Variants in MTMR3 observed in about 807,000 individuals in gnomAD.
MTMR3 encodes phosphatidylinositol-3,5-bisphosphate 3-phosphatase MTMR3.
Under a neutral mutation model 132.4 loss-of-function variants are expected in MTMR3, and 32 were observed. The ratio of observed to expected loss-of-function variants is 0.24; its 90% CI spans 0.18 to 0.32. The LOEUF (loss-of-function observed/expected upper bound fraction) is 0.32, where lower values mean the gene tolerates loss of function less well. Among genes scored for constraint, MTMR3 ranks in the 10% least tolerant of loss-of-function variants. The pLI is 1.00. For synonymous variants in MTMR3, 556 were observed against 550.3 expected (o/e 1.01, Z -0.14); for missense variants, 1,216 against 1,489.6 (o/e 0.82, Z 3.02).
At position 30,023,332 on chromosome 22, in the gene MTMR3, T is replaced by G; in HGVS notation, c.3425+635T>G. On this transcript the variant is annotated intron_variant, in intron 19 of 19. Transcript: ENST00000401950. ...AGCTCACCCACACGAGTGGGTGGAT[T>G]GAAAATGGAACAGTCTCTTTGCCTA... The G allele has an allele frequency of 9.4e-6, 9 of 954,330 alleles. No individual in the cohort carries two copies. In the Middle Eastern group the frequency reaches 1.7e-3, roughly 181 times the overall value. The allele number at this position is 954,330 out of a possible 1,614,324, so 59.1% of individuals were successfully genotyped here. A position where few individuals can be genotyped will look rare whatever the true frequency, so the allele number is the denominator to read the frequency against.
intron 1 of MTMR3, among the ~76,000 whole-genome samples, chr22:29,934,630 T>C (rs2065712730): frequency 6.6e-6 from 1 of 152,154 alleles, no homozygotes; most frequent in African/African-American, 2.4e-5. Context: ...AAGATTCTAT[T>C]TTAGGGGAAA....
intron 1 of MTMR3, among the ~76,000 whole-genome samples, chr22:29,897,911 A>G (rs756853363): frequency 9.9e-5 from 15 of 152,126 alleles, no homozygotes; most frequent in Non-Finnish European, 2.1e-4. Context: ...TTGGGTTTCA[A>G]ATTTATGTGA....
chr22:29,884,240 T>A (rs953240568), intron 1 of MTMR3, among the ~76,000 whole-genome samples: 2 of 151,486 alleles, frequency 1.3e-5, no homozygotes, highest in African/African-American at 4.8e-5. Flanking sequence ...TTCTGACATC[T>A]ATTTTTCCAC....
chr22:29,897,748 C>CTCA (rs1228355405), intron 1 of MTMR3, among the ~76,000 whole-genome samples: 1 of 152,154 alleles, frequency 6.6e-6, no homozygotes, highest in Non-Finnish European at 1.5e-5. Context: ...CTGTGCCTGG[C>CTCA]CTGTATTTGC....
At chr22:29,924,841 C>CT (rs971591078) in intron 1 of MTMR3, among the ~76,000 whole-genome samples, 2 of 151,652 alleles carry the variant, frequency 1.3e-5, no homozygotes, top group Admixed American at 1.3e-4. Context: ...TTGTTAATTT[C>CT]TTTTTTTGGC....
At chr22:29,958,633 C>G (rs2066247062) in intron 2 of MTMR3, among the ~76,000 whole-genome samples, 2 of 152,000 alleles carry the variant, frequency 1.3e-5, no homozygotes, top group Admixed American at 1.3e-4. Flanking sequence ...GAAAGTCTTC[C>G]TTAAGTGCCC....
At chr22:29,966,996 A>G (rs6006315) in intron 2 of MTMR3, among the ~76,000 whole-genome samples, 2,394 of 151,570 alleles carry the variant, frequency 0.016, 54 homozygotes, top group African/African-American at 0.053. Context: ...CAAATTGTAC[A>G]TTTTCTTTTC....
At chr22:29,966,631 G>A (rs996434612) in intron 2 of MTMR3, among the ~76,000 whole-genome samples, 5 of 151,950 alleles carry the variant, frequency 3.3e-5, no homozygotes, top group African/African-American at 7.3e-5. Context: ...TAAGAAAGGC[G>A]GGATAGATAC....
chr22:29,954,059 C>CTTTTTTTTTTTTTTTTTTTTT (rs59781649), intron 1 of MTMR3, among the ~76,000 whole-genome samples: 8 of 79,436 alleles, frequency 1.0e-4, no homozygotes, highest in African/African-American at 3.7e-4. Flanking sequence ...TCAAATGAGT[C>CTTTTTTTTTTTTTTTTTTTTT]TTTTTTTTTT....
At chr22:29,896,640 C>CT (rs2064901870) in intron 1 of MTMR3, among the ~76,000 whole-genome samples, 1 of 151,878 alleles carries the variant, frequency 6.6e-6, no homozygotes, top group South Asian at 2.1e-4. Flanking sequence ...TGCTTTTTGT[C>CT]TAACATAATT....
chr22:30,019,160 G>A (rs2067680083), intron 16 of MTMR3: 2 of 202,972 alleles, frequency 9.9e-6, no homozygotes, highest in Admixed American at 5.3e-5. Flanking sequence ...GCTGAGATCC[G>A]CCACTGCACT....
In MTMR3 at chr22:30,030,402, T is replaced by C. The variant is rs938360111; in HGVS notation, c.*4601T>C. 22 of 151,908 alleles carry C rather than the reference T, an allele frequency of 1.4e-4. No individual in the cohort carries two copies. Among genetic ancestry groups the C allele is most frequent in the Admixed American group, 6.6e-4 (10 of 15,214 alleles). 9.4% of individuals were successfully genotyped at this position (151,908 alleles called of 1,614,324 possible). A position where few individuals can be genotyped will look rare whatever the true frequency, so the allele number is the denominator to read the frequency against. On this transcript the variant is annotated 3_prime_UTR_variant, in exon 20 of 20. Transcript: ENST00000401950. The stretch of plus-strand genomic sequence containing the variant: ...GCTCAGATGCTGTTGAAGAAATAAA[T>C]GGTATGTTGCTGCTGACAGTAGTGC...
intron 1 of MTMR3, among the ~76,000 whole-genome samples, chr22:29,896,135 C>T (rs2064890852): frequency 6.6e-6 from 1 of 152,096 alleles, no homozygotes; most frequent in South Asian, 2.1e-4. Context: ...CGTGGTGAAA[C>T]CCCATGTCTA....
At position 30,020,256 on chromosome 22, in the gene MTMR3, C is replaced by G. The variant is rs983070381; in HGVS notation, c.2597C>G (p.Ser866Cys). The G allele has an allele frequency of 6.2e-7, 1 of 1,614,240 alleles. No homozygotes were observed. The highest frequency in any genetic ancestry group is 8.5e-7 in the Non-Finnish European group (1 of 1,180,042). The change falls in exon 17 of 20, where the codon TCT becomes TGT. Residue 866 changes from serine to cysteine, a missense_variant. Coordinates refer to ENST00000401950, the MANE Select transcript of MTMR3 (RefSeq NM_021090.4). ...AGTGGGCCCCAAGGTCATCATAGAT[C>G]TTGCCTTGTAAATAGTGGCAAGGAC... ...SVSGPQGHHR[S>C]CLVNSGKDRL... is the part of the protein sequence containing the mutation.
intron 1 of MTMR3, among the ~76,000 whole-genome samples, 182 bp downstream of exon 1, chr22:29,883,541 G>T (rs945455063): frequency 3.9e-5 from 6 of 152,134 alleles, no homozygotes; most frequent in Non-Finnish European, 8.8e-5. Context: ...TCGCCGCCAG[G>T]GGGAGGCGCT....
intron 5 of MTMR3, chr22:29,987,968 A>G (rs978540140): frequency 6.6e-6 from 1 of 152,422 alleles, no homozygotes; most frequent in African/African-American, 2.4e-5. Flanking sequence ...ATCCACAGTC[A>G]GCTTAGAACT....
chr22:29,897,684 A>G (rs2064929352), intron 1 of MTMR3, among the ~76,000 whole-genome samples: 1 of 151,986 alleles, frequency 6.6e-6, no homozygotes, highest in Non-Finnish European at 1.5e-5. Flanking sequence ...AACTGGCCTC[A>G]AGTGATCTGC....
chr22:30,023,244 G>A (rs1461902544), intron 19 of MTMR3: 2 of 596,966 alleles, frequency 3.4e-6, no homozygotes. Context: ...CCCAGCTAGG[G>A]TGTTGACTGT....
chr22:29,963,241 C>CT (rs768134601), intron 2 of MTMR3, among the ~76,000 whole-genome samples: 3 of 152,090 alleles, frequency 2.0e-5, no homozygotes, highest in Non-Finnish European at 4.4e-5. Context: ...GCCACCATGC[C>CT]TGGCTCAATT....
Sources: allele counts gnomAD v4.1 joint callset (sites outside exome capture counted in the v4.1 genomes callset), GRCh38; gene constraint gnomAD v4.1.1; transcripts MANE v1.5; gene names NCBI Gene and HGNC (gene_info 2026-07-23, HGNC 2026-07-21).